Variants in WDR7 observed in about 807,000 individuals in gnomAD.
WDR7 encodes WD repeat-containing protein 7.
In WDR7, 46 loss-of-function variants were observed where a neutral mutation model predicts 169.4. The observed-to-expected ratio is 0.27, with a 90% CI of 0.21 to 0.35. WDR7 has a LOEUF of 0.35. Among genes scored for constraint, WDR7 ranks in the 10% least tolerant of loss-of-function variants. The probability of loss-of-function intolerance (pLI) is 1.00; values close to 1 mark genes in which losing one functional copy is unlikely to be tolerated. For synonymous variants in WDR7, 612 were observed against 666.8 expected, an observed-to-expected ratio of 0.92 and a Z score of 1.27; for missense variants, 1,534 against 1,859.3, an observed-to-expected ratio of 0.83 and a Z score of 3.22.
chr18:56,914,778 A>G (rs2046602782), intron 21 of WDR7, among the ~76,000 whole-genome samples: 1 of 152,190 alleles, frequency 6.6e-6, no homozygotes, highest in Admixed American at 6.5e-5. Context: ...TACATGCATT[A>G]AGTAACATCA....
intron 13 of WDR7, among the ~76,000 whole-genome samples, chr18:56,727,541 C>T (rs1281318101): frequency 6.6e-6 from 1 of 152,088 alleles, no homozygotes; most frequent in Non-Finnish European, 1.5e-5. Flanking sequence ...GAGTGCTGAG[C>T]GAAGGGGAAA....
At position 56,820,359 on chromosome 18, in the gene WDR7, A is replaced by AAAAAAAAC. The variant is rs1044771844; in HGVS notation, c.3304+4220_3304+4221insAACAAAAA. Among the ~76,000 whole-genome samples the AAAAAAAAC allele has an allele frequency of 5.2e-3, 665 of 127,368 alleles. 3 individuals carry two copies. Among genetic ancestry groups the AAAAAAAAC allele is most frequent in the Middle Eastern group, 7.6e-3 (2 of 264 alleles). 83.6% of individuals were successfully genotyped at this position (127,368 alleles called of 152,430 possible). On this transcript the variant is annotated intron_variant, in intron 20 of 27. Coordinates refer to ENST00000254442, the MANE Select transcript of WDR7 (RefSeq NM_015285.3). ...ATTGTCAAAAAAAAAAAAAAAAAAA[A>AAAAAAAAC]AAAAACCACCTTGATACTAGATCAG...
intron 2 of WDR7, among the ~76,000 whole-genome samples, chr18:56,676,251 A>C (rs575894493): frequency 6.6e-6 from 1 of 151,554 alleles, no homozygotes; most frequent in African/African-American, 2.4e-5. Flanking sequence ...TTTTCAGTCT[A>C]TGTGTGTTTT....
chr18:56,884,337 A>G (rs1427138642), intron 21 of WDR7, among the ~76,000 whole-genome samples: 1 of 151,930 alleles, frequency 6.6e-6, no homozygotes, highest in African/African-American at 2.4e-5. Context: ...GTCCTTAGCC[A>G]GTCTTTTGAT....
intron 26 of WDR7, among the ~76,000 whole-genome samples, chr18:57,017,039 C>T (rs2048215521): frequency 6.6e-6 from 1 of 152,214 alleles, no homozygotes; most frequent in South Asian, 2.1e-4. Flanking sequence ...GAGACCCAAA[C>T]CATCCAATCC....
chr18:56,963,768 A>G (rs1450270423), intron 26 of WDR7, among the ~76,000 whole-genome samples: 1 of 152,146 alleles, frequency 6.6e-6, no homozygotes, highest in Admixed American at 6.5e-5. Flanking sequence ...CACTCTGAAT[A>G]CTTGTTTAAA....
Position 56,756,648 on chromosome 18 carries a change from C to T in WDR7, c.2055C>T (p.Asp685=). The T allele has an allele frequency of 6.2e-7, 1 of 1,614,046 alleles. No individual in the cohort carries two copies. Among genetic ancestry groups the T allele is most frequent in the Non-Finnish European group, 8.5e-7 (1 of 1,179,996 alleles). The change falls in exon 15 of 28, where the codon GAC becomes GAT. Residue 685 remains aspartate, a synonymous_variant. Coordinates refer to ENST00000254442, the MANE Select transcript of WDR7 (RefSeq NM_015285.3). ...AAGCAATAAAGACAAACCTAACAGACCCGGACATACATGTGCTATTCTTTG... is the reference window on the plus strand; with the variant it reads ...AAGCAATAAAGACAAACCTAACAGATCCGGACATACATGTGCTATTCTTTG... The part of the protein sequence containing the change: ...MVQAIKTNLT[D]PDIHVLFFDV...
downstream of WDR7, chr18:57,031,592 A>T (rs976477577): frequency 5.3e-5 from 8 of 152,184 alleles, no homozygotes; most frequent in Admixed American, 5.2e-4. Flanking sequence ...ATATAGTGAA[A>T]ATATAGCTTC....
At chr18:56,666,712 T>G (rs1409699868) in intron 1 of WDR7, among the ~76,000 whole-genome samples, 4 of 152,052 alleles carry the variant, frequency 2.6e-5, no homozygotes, top group African/African-American at 9.7e-5. Flanking sequence ...ATGAAGACAA[T>G]ATAGGAGAGT....
At chr18:56,776,234 G>A (rs1183209501) in intron 16 of WDR7, among the ~76,000 whole-genome samples, 2 of 151,320 alleles carry the variant, frequency 1.3e-5, no homozygotes, top group South Asian at 2.1e-4. Flanking sequence ...TTTAACAAGA[G>A]TTAAACATGG....
intron 15 of WDR7, 76 bp downstream of exon 15, chr18:56,757,428 CTCTTTTTT>C: frequency 2.8e-6 from 4 of 1,407,334 alleles, no homozygotes; most frequent in South Asian, 1.5e-5. Flanking sequence ...TTGTTGATTA[CTCTTTTTT>C]GGCTCTACAC....
intron 24 of WDR7, 137 bp downstream of exon 24, chr18:56,938,819 G>GTGTA: frequency 1.2e-6 from 1 of 834,228 alleles, no homozygotes; most frequent in Non-Finnish European, 1.8e-6. Context: ...GTGTGTGTGT[G>GTGTA]TGTGTGTGTG....
chr18:56,686,622 C>T (rs1455642143), intron 6 of WDR7, among the ~76,000 whole-genome samples: 1 of 152,090 alleles, frequency 6.6e-6, no homozygotes, highest in African/African-American at 2.4e-5. Flanking sequence ...TGATGATACT[C>T]TGAGTATCAT....
intron 19 of WDR7, among the ~76,000 whole-genome samples, chr18:56,812,450 A>G (rs1055280525): frequency 3.9e-5 from 6 of 152,212 alleles, no homozygotes; most frequent in African/African-American, 1.4e-4. Flanking sequence ...AAAAGAATAG[A>G]TAGAGAGAAC....
chr18:56,918,918 G>C (rs2046669822), intron 21 of WDR7, among the ~76,000 whole-genome samples: 1 of 152,150 alleles, frequency 6.6e-6, no homozygotes, highest in South Asian at 2.1e-4. Flanking sequence ...ATGTCATTTG[G>C]CCCAGGGAAC....
Position 56,776,881 on chromosome 18 carries a change from G to T in WDR7, c.2947+1G>T. On this transcript the variant is annotated splice_donor_variant, in intron 17 of 27. Coordinates refer to ENST00000254442, the MANE Select transcript of WDR7 (RefSeq NM_015285.3). LOFTEE classifies it high-confidence loss of function. Reference sequence around the variant, plus strand: ...CATACCTGTTTCTTAGTAAATGAAGGTATCTCTCTCAACTTCTAACAACTT... The same window carrying T: ...CATACCTGTTTCTTAGTAAATGAAGTTATCTCTCTCAACTTCTAACAACTT... The T allele has an allele frequency of 1.2e-6, 2 of 1,611,894 alleles. No homozygotes were observed. Among genetic ancestry groups the T allele is most frequent in the Non-Finnish European group, 1.7e-6 (2 of 1,178,268 alleles).
intron 20 of WDR7, among the ~76,000 whole-genome samples, chr18:56,816,448 T>C (rs543240674): frequency 3.1e-4 from 47 of 152,344 alleles, no homozygotes; most frequent in Middle Eastern, 3.4e-3. Context: ...TTGGAATGTA[T>C]AGAGGAATAT....
At chr18:56,700,674 A>G (rs539763583) in intron 12 of WDR7, among the ~76,000 whole-genome samples, 1,830 of 144,146 alleles carry the variant, frequency 0.013, 48 homozygotes, top group African/African-American at 0.044. Flanking sequence ...GGTTCACGCC[A>G]TTCTCCTGCC....
At position 56,751,315 on chromosome 18, in the gene WDR7, G is replaced by C. The variant is rs185542785; in HGVS notation, c.1990-5268G>C. Among the ~76,000 whole-genome samples the C allele has an allele frequency of 1.2e-3, 179 of 152,296 alleles. 1 individual carries two copies. The highest frequency in any genetic ancestry group is 3.1e-3 in the Admixed American group (48 of 15,298). ...GGCATGTGGGGTTGACACCAGGTGA[G>C]AGAGCTTAAAGGGCTATCTTGAGGC... On this transcript the variant is annotated intron_variant, in intron 14 of 27. Transcript: ENST00000254442.
Sources: allele counts gnomAD v4.1 joint callset (sites outside exome capture counted in the v4.1 genomes callset), GRCh38; gene constraint gnomAD v4.1.1; transcripts MANE v1.5; gene names NCBI Gene and HGNC (gene_info 2026-07-23, HGNC 2026-07-21).